Variants in NAV2 observed in about 807,000 individuals in gnomAD.
NAV2 encodes helicase, APC down-regulated 1.
NAV2 carries 54 observed loss-of-function variants against 223.2 expected under a neutral mutation model. That is an observed-to-expected ratio of 0.24 (90% CI 0.19 to 0.30). NAV2 has a LOEUF of 0.30. Among genes scored for constraint, NAV2 ranks in the 10% least tolerant of loss-of-function variants. NAV2 has a pLI of 1.00. For missense variants in NAV2, 2,806 were observed against 3,147.5 expected (o/e 0.89, Z 2.60); for synonymous variants, 1,279 against 1,239.3 (o/e 1.03, Z -0.67).
intron 1 of NAV2, among the ~76,000 whole-genome samples, chr11:19,351,978 T>TGTGA (rs1443551228): frequency 7.1e-6 from 1 of 140,512 alleles, no homozygotes; most frequent in African/African-American, 2.6e-5. Flanking sequence ...TCTCTGTGAG[T>TGTGA]GTGTGTGTGT....
rs183994924 is a variant in NAV2 at position 19,902,286 on chromosome 11, C to T, written c.931+9692C>T. 3.7e-4 allele frequency among the ~76,000 whole-genome samples: 56 copies of T among 152,252 alleles called. No individual in the cohort carries two copies. In the East Asian group the frequency reaches 7.9e-3, roughly 22 times the overall value. On this transcript the variant is annotated intron_variant, in intron 6 of 37. Transcript: ENST00000349880. ...TGATCTACTGTGTAATTTAAAAGAG[C>T]CTTCAGAAGAGGAGACACAAAAATC...
At chr11:20,087,604 A>G (rs2060539770) in intron 26 of NAV2, among the ~76,000 whole-genome samples, 1 of 152,226 alleles carries the variant, frequency 6.6e-6, no homozygotes, top group African/African-American at 2.4e-5. Flanking sequence ...ACTGTGGACA[A>G]GACAGTGGAA....
At chr11:20,094,223 C>CTTTTTTTTTTTTT (rs61099684) in intron 29 of NAV2, among the ~76,000 whole-genome samples, 4 of 88,520 alleles carry the variant, frequency 4.5e-5, no homozygotes, top group African/African-American at 9.5e-5. Context: ...TTTTCTTTAT[C>CTTTTTTTTTTTTT]TTTTTTTTTT....
At chr11:19,496,196 T>C (rs1403747989) in intron 1 of NAV2, among the ~76,000 whole-genome samples, 1 of 152,234 alleles carries the variant, frequency 6.6e-6, no homozygotes, top group Non-Finnish European at 1.5e-5. Flanking sequence ...TCCCCAAAGA[T>C]TGAAAAATTT....
At chr11:19,484,242 TC>T (rs1440369000) in intron 1 of NAV2, among the ~76,000 whole-genome samples, 1 of 152,094 alleles carries the variant, frequency 6.6e-6, no homozygotes, top group Non-Finnish European at 1.5e-5. Context: ...CTGTGCTGCT[TC>T]CTATCTTGAG....
chr11:19,716,379 C>A (rs2050316537), intron 1 of NAV2, among the ~76,000 whole-genome samples: 1 of 152,140 alleles, frequency 6.6e-6, no homozygotes, highest in Non-Finnish European at 1.5e-5. Context: ...AAAAAATGAG[C>A]ATGAACAACC....
chr11:19,625,093 A>G (rs764207686), intron 1 of NAV2, among the ~76,000 whole-genome samples: 2 of 152,128 alleles, frequency 1.3e-5, no homozygotes, highest in African/African-American at 2.4e-5. Flanking sequence ...CCTCCTAGCT[A>G]ACCGAAACTA....
intron 1 of NAV2, among the ~76,000 whole-genome samples, chr11:19,544,364 G>A (rs2134567375): frequency 6.6e-6 from 1 of 152,262 alleles, no homozygotes; most frequent in South Asian, 2.1e-4. Flanking sequence ...TGTAGACTGA[G>A]GCCACCATAA....
At chr11:19,369,814 T>G (rs1848412235) in intron 1 of NAV2, among the ~76,000 whole-genome samples, 1 of 152,148 alleles carries the variant, frequency 6.6e-6, no homozygotes, top group Admixed American at 6.5e-5. Flanking sequence ...AGATAACAAG[T>G]CTAGTTTCCT....
At chr11:19,953,209 CA>C (rs1231753079) in intron 10 of NAV2, among the ~76,000 whole-genome samples, 2 of 151,816 alleles carry the variant, frequency 1.3e-5, no homozygotes, top group African/African-American at 2.4e-5. Context: ...CCTTTATGGA[CA>C]AAAAAATGAC....
At chr11:19,971,851 T>A (rs1183679413) in intron 10 of NAV2, among the ~76,000 whole-genome samples, 1 of 152,204 alleles carries the variant, frequency 6.6e-6, no homozygotes, top group African/African-American at 2.4e-5. Flanking sequence ...TACAGGCACG[T>A]GCCACTATGT....
intron 25 of NAV2, among the ~76,000 whole-genome samples, chr11:20,080,484 C>T (rs1256203618): frequency 6.6e-6 from 1 of 152,148 alleles, no homozygotes; most frequent in Non-Finnish European, 1.5e-5. Flanking sequence ...ATATGTGTGT[C>T]ATTTCTTCCT....
At chr11:19,776,810 G>C (rs1402903727) in intron 1 of NAV2, among the ~76,000 whole-genome samples, 2 of 151,986 alleles carry the variant, frequency 1.3e-5, no homozygotes, top group Admixed American at 6.5e-5. Context: ...TGCGCATAGT[G>C]AGGCGCCGGC....
intron 1 of NAV2, among the ~76,000 whole-genome samples, chr11:19,560,070 G>A (rs1321159226): frequency 6.6e-6 from 1 of 152,214 alleles, no homozygotes; most frequent in Non-Finnish European, 1.5e-5. Flanking sequence ...ATTGCATTTG[G>A]TGGTTTTCCA....
In NAV2 at chr11:20,044,843, C is replaced by T. The variant is rs1163092042; in HGVS notation, c.3200-125C>T. 9 of 703,756 alleles carry T rather than the reference C, an allele frequency of 1.3e-5. No homozygotes were observed. In the East Asian group the frequency reaches 1.6e-4, roughly 13 times the overall value. The allele number at this position is 703,756 out of a possible 1,614,324, so 43.6% of individuals were successfully genotyped here. ...TAGACTATATTATTTTTATAAAAAG[C>T]TCTTTCCTCTGCCTCCCCAAGGGAA... On this transcript the variant is annotated intron_variant, in intron 13 of 37. Coordinates refer to ENST00000349880, the MANE Select transcript of NAV2 (RefSeq NM_145117.5).
chr11:19,981,445 C>G (rs1233493967), intron 10 of NAV2: 2 of 152,166 alleles, frequency 1.3e-5, no homozygotes, highest in African/African-American at 4.8e-5. Flanking sequence ...TGTCTACATG[C>G]CTGTGTGTGT....
At chr11:20,089,025 T>G (rs1368529557) in intron 26 of NAV2, among the ~76,000 whole-genome samples, 2 of 150,096 alleles carry the variant, frequency 1.3e-5, no homozygotes, top group Non-Finnish European at 3.0e-5. Context: ...AAAAAAAGCA[T>G]GGTTCTATCA....
intron 10 of NAV2, among the ~76,000 whole-genome samples, chr11:19,954,007 G>A (rs371683721): frequency 1.3e-5 from 2 of 152,140 alleles, no homozygotes; most frequent in East Asian, 1.9e-4. Context: ...GCCTACTCTG[G>A]CAGGACCTTA....
intron 1 of NAV2, among the ~76,000 whole-genome samples, chr11:19,531,473 T>A (rs1216767074): frequency 6.6e-6 from 1 of 152,112 alleles, no homozygotes; most frequent in Non-Finnish European, 1.5e-5. Context: ...GGTAGCAGAT[T>A]GGTAGGAAAT....
Sources: gnomAD v4.1 joint callset for allele counts (sites outside exome capture counted in the v4.1 genomes callset) on GRCh38, gnomAD v4.1.1 for gene constraint, MANE v1.5 for transcripts, NCBI Gene and HGNC (gene_info 2026-07-23, HGNC 2026-07-21) for gene names.